The following PPP6R2 variants were observed in gnomAD, a reference collection of about 807,000 sequenced individuals.
PPP6R2 encodes protein phosphatase 6 regulatory subunit 2, also known as serine/threonine-protein phosphatase 6 regulatory subunit 2.
PPP6R2 carries 62 observed loss-of-function variants against 100.2 expected under a neutral mutation model. The ratio of observed to expected loss-of-function variants is 0.62; its 90% CI spans 0.50 to 0.76. The LOEUF is 0.76. Ranked by LOEUF, PPP6R2 falls within the 30% of genes least tolerant of loss-of-function variation. The pLI, the probability that PPP6R2 is intolerant of heterozygous loss-of-function variation, is 0.00. For missense variants in PPP6R2, 1,142 were observed against 1,276.3 expected (o/e 0.89, Z 1.60); for synonymous variants, 525 against 514.7 (o/e 1.02, Z -0.27).
chr22:50,351,026 GTTTTTTT>G (rs1195469509), intron 1 of PPP6R2, among the ~76,000 whole-genome samples: 2 of 80,748 alleles, frequency 2.5e-5, no homozygotes, highest in Non-Finnish European at 4.5e-5. Context: ...TCTCAACAGT[GTTTTTTT>G]TTTTTTTTTT....
chr22:50,356,764 G>A (rs1028377330), intron 1 of PPP6R2, among the ~76,000 whole-genome samples: 1 of 151,656 alleles, frequency 6.6e-6, no homozygotes, highest in African/African-American at 2.4e-5. Flanking sequence ...GTGAAACCCC[G>A]TCTCTACAAA....
At chr22:50,397,115 T>C (rs560390798) in intron 3 of PPP6R2, among the ~76,000 whole-genome samples, 1 of 152,118 alleles carries the variant, frequency 6.6e-6, no homozygotes, top group African/African-American at 2.4e-5. Flanking sequence ...AGTAGATAAG[T>C]ACAGAACCAA....
intron 1 of PPP6R2, among the ~76,000 whole-genome samples, chr22:50,364,327 G>T (rs942306383): frequency 2.6e-5 from 4 of 152,066 alleles, no homozygotes; most frequent in African/African-American, 9.7e-5. Flanking sequence ...ACCATTTTTA[G>T]GTATATAAGT....
the PPP6R2 span, among the ~76,000 whole-genome samples, chr22:50,336,766 G>A: frequency 3.0e-4 from 45 of 151,684 alleles, no homozygotes; most frequent in African/African-American, 1.0e-3. Context: ...CAGTACAGTG[G>A]CGTGGTCACA....
rs1391879719 is a variant in PPP6R2 at position 50,444,208 on chromosome 22, T to G, written c.2841T>G (p.Asp947Glu). 1 of 1,612,954 alleles carries G rather than the reference T, an allele frequency of 6.2e-7. No homozygotes were observed. ...CACCCCATTCCTGCAGGAAGACAGATGCCCCGCCAGAAGGAGCTGCCTTAA... is the reference window on the plus strand; with the variant it reads ...CACCCCATTCCTGCAGGAAGACAGAGGCCCCGCCAGAAGGAGCTGCCTTAA... ...LGTVTKDGKT[D>E]APPEGAALNG... is the part of the protein sequence containing the mutation. Residue 947 changes from aspartate (D) to glutamate (E), a missense_variant, in exon 24 of 24, where the codon GAT (aspartate) becomes GAG (glutamate). Asp to Glu is a conservative substitution (Grantham distance 45). Around this residue, in one of 2 missense-constraint regions of PPP6R2, gnomAD observed 550 missense variants for 517.4 expected, o/e 1.06. Transcript: ENST00000612753.
rs1292707224 is a variant in PPP6R2, at chr22:50,385,977, C to A, written c.-16-7916C>A. Among the ~76,000 whole-genome samples, 7 of 150,238 alleles carry A rather than the reference C, an allele frequency of 4.7e-5. No homozygotes were observed. The East Asian group carries it at 7.9e-4, about 17-fold the overall frequency. Reference sequence around the variant, plus strand: ...TAGCTGGGACTACAGGCGCTCGCCACCACGCCAGGCTAATTTTTTGTATTT... The same window carrying A: ...TAGCTGGGACTACAGGCGCTCGCCAACACGCCAGGCTAATTTTTTGTATTT... On this transcript the variant is annotated intron_variant, in intron 2 of 23. Coordinates refer to ENST00000612753, the MANE Select transcript of PPP6R2 (RefSeq NM_001242898.2).
chr22:50,389,553 T>C (rs1033458632), intron 2 of PPP6R2, among the ~76,000 whole-genome samples: 4 of 130,068 alleles, frequency 3.1e-5, no homozygotes, highest in African/African-American at 1.4e-4. Flanking sequence ...GTGATCTTTT[T>C]TTGTTTTTTT....
At chr22:50,408,095 C>A (rs1244880174) in intron 4 of PPP6R2, among the ~76,000 whole-genome samples, 1 of 152,126 alleles carries the variant, frequency 6.6e-6, no homozygotes, top group Non-Finnish European at 1.5e-5. Flanking sequence ...CCATGTTACC[C>A]AGGCTGGTTT....
At position 50,423,592 on chromosome 22, in the gene PPP6R2, T is replaced by C. The variant is rs751532543; in HGVS notation, c.1103T>C (p.Leu368Pro). ...AGCATCAACCAGGAGCTCTGCCGGC[T>C]CAACACGATGGACTTACTGCTGGTA... ...TPSINQELCRLNTMDLLLDLF... is the reference protein window; with the variant it reads ...TPSINQELCRPNTMDLLLDLF... Residue 368 changes from leucine (L) to proline (P), a missense_variant, in exon 10 of 24, where the codon CTC (leucine) becomes CCC (proline). By Grantham distance (98) the Leu-to-Pro change is moderately conservative. Around this residue, in one of 2 missense-constraint regions of PPP6R2, gnomAD observed 592 missense variants for 758.9 expected, o/e 0.78. Coordinates refer to ENST00000612753, the MANE Select transcript of PPP6R2 (RefSeq NM_001242898.2). The surrounding 1 kb of genome is among the most constrained non-coding windows in gnomAD (Gnocchi z 4.8). The C allele has an allele frequency of 6.2e-7, 1 of 1,614,132 alleles. No homozygotes were observed. The highest frequency in any genetic ancestry group is 1.1e-5 in the South Asian group (1 of 91,090).
In PPP6R2 at chr22:50,431,264, A is replaced by G. The variant is rs1651425081; in HGVS notation, c.1217A>G (p.Glu406Gly). The G allele has an allele frequency of 3.1e-6, 5 of 1,613,686 alleles. No individual in the cohort carries two copies. Among genetic ancestry groups the G allele is most frequent in the Non-Finnish European group, 4.2e-6 (5 of 1,180,024 alleles). ...ATTCTCTCCCACGCTGCCCGTGAGGAGAGGACAGAAGCCAGCGGATCCGAG... is the reference window on the plus strand; with the variant it reads ...ATTCTCTCCCACGCTGCCCGTGAGGGGAGGACAGAAGCCAGCGGATCCGAG... ...AAILSHAARE[E>G]RTEASGSESR... The change falls in exon 11 of 24, where the codon GAG (glutamate) becomes GGG (glycine). Residue 406 changes from glutamate to glycine, a missense_variant. Glu to Gly is a moderately conservative substitution (Grantham distance 98). This residue lies in a region of PPP6R2 where 592 missense variants were observed against 758.9 expected (regional missense o/e 0.78). Transcript: ENST00000612753. The surrounding 1 kb of genome is among the most constrained non-coding windows in gnomAD (Gnocchi z 4.8).
intron 6 of PPP6R2, among the ~76,000 whole-genome samples, chr22:50,416,699 A>G (rs2060586605): frequency 6.6e-6 from 1 of 151,930 alleles, no homozygotes. Flanking sequence ...GCGGTGGCTC[A>G]TGCCTGTAAT....
chr22:50,390,218 C>T (rs2055178075), intron 2 of PPP6R2, among the ~76,000 whole-genome samples: 1 of 152,042 alleles, frequency 6.6e-6, no homozygotes, highest in Non-Finnish European at 1.5e-5. Context: ...TCTCAAACTC[C>T]TGACCTCAGG....
At chr22:50,426,796 T>C (rs1479752691) in intron 10 of PPP6R2, among the ~76,000 whole-genome samples, 2 of 139,706 alleles carry the variant, frequency 1.4e-5, no homozygotes, top group Non-Finnish European at 3.0e-5. Flanking sequence ...ATCACACCAC[T>C]GCACTCCAGC....
At chr22:50,417,795 C>T (rs1025441735) in intron 6 of PPP6R2, among the ~76,000 whole-genome samples, 11 of 152,338 alleles carry the variant, frequency 7.2e-5, no homozygotes, top group Non-Finnish European at 1.2e-4. Context: ...ATGGCCTGGC[C>T]TGGGTCCCAA....
At chr22:50,336,932 T>G in the PPP6R2 span, among the ~76,000 whole-genome samples, 1 of 152,142 alleles carries the variant, frequency 6.6e-6, no homozygotes, top group Non-Finnish European at 1.5e-5. Context: ...GACTGTCCTT[T>G]CTTGAACACA....
chr22:50,374,151 C>T (rs547727708), intron 2 of PPP6R2, among the ~76,000 whole-genome samples: 3 of 152,234 alleles, frequency 2.0e-5, no homozygotes, highest in East Asian at 1.9e-4. Flanking sequence ...CCCAAAGTGC[C>T]GAGATTATAG....
intron 4 of PPP6R2, among the ~76,000 whole-genome samples, chr22:50,410,964 G>C (rs1249137596): frequency 6.6e-6 from 1 of 152,056 alleles, no homozygotes; most frequent in Non-Finnish European, 1.5e-5. Context: ...GCTAATTTTT[G>C]TATTTTTAGT....
chr22:50,401,844 C>T (rs2146959357), intron 3 of PPP6R2, among the ~76,000 whole-genome samples: 1 of 152,020 alleles, frequency 6.6e-6, no homozygotes, highest in East Asian at 1.9e-4. Context: ...CCGTGTTAGC[C>T]AGGATGGTCT....
chr22:50,409,159 T>C (rs2059392812), intron 4 of PPP6R2, among the ~76,000 whole-genome samples: 1 of 152,160 alleles, frequency 6.6e-6, no homozygotes, highest in Admixed American at 6.5e-5. Flanking sequence ...GAGGCAGGGA[T>C]GCCTTGAGCC....
Sources: allele counts gnomAD v4.1 joint callset (sites outside exome capture counted in the v4.1 genomes callset), GRCh38; gene constraint gnomAD v4.1.1; regional missense constraint gnomAD v4.1.1; non-coding constraint Gnocchi (gnomAD v3.1); transcripts MANE v1.5; gene names NCBI Gene and HGNC (gene_info 2026-07-23, HGNC 2026-07-21).